UMAD1: variants seen among roughly 807,000 people sequenced by gnomAD.
UMAD1 encodes the protein UBAP1-MVB12-associated (UMA) domain containing 1, also known as UBAP1-MVB12-associated (UMA)-domain containing protein 1.
Under a neutral mutation model 6.1 loss-of-function variants are expected in UMAD1, and 8 were observed. The observed-to-expected ratio is 1.30, with a 90% CI of 0.76 to 2.35. The LOEUF (loss-of-function observed/expected upper bound fraction) is 2.35. Among genes scored for constraint, UMAD1 ranks in the 30% most tolerant of loss-of-function variants. The pLI is 0.00. For synonymous variants in UMAD1, 56 were observed against 31.4 expected (o/e 1.78, Z -2.61); for missense variants, 130 against 78.4 (o/e 1.66, Z -2.49).
intron 3 of UMAD1, among the ~76,000 whole-genome samples, chr7:7,825,789 T>G (rs898070597): frequency 2.0e-5 from 3 of 152,186 alleles, no homozygotes; most frequent in African/African-American, 7.2e-5. Flanking sequence ...ACCACTCAAA[T>G]AGGATTCCCT....
At chr7:7,781,260 T>C (rs1299722130) in intron 2 of UMAD1, among the ~76,000 whole-genome samples, 1 of 152,162 alleles carries the variant, frequency 6.6e-6, no homozygotes, top group Non-Finnish European at 1.5e-5. Flanking sequence ...TCCAGTTCAT[T>C]TTTGTTTTAA....
chr7:7,695,749 A>G (rs758010573), intron 2 of UMAD1, among the ~76,000 whole-genome samples: 1 of 152,092 alleles, frequency 6.6e-6, no homozygotes, highest in South Asian at 2.1e-4. Flanking sequence ...TTTAATATCT[A>G]TGTATGTTGG....
At chr7:7,769,084 C>T (rs1248893869) in intron 2 of UMAD1, among the ~76,000 whole-genome samples, 1 of 152,134 alleles carries the variant, frequency 6.6e-6, no homozygotes, top group Admixed American at 6.5e-5. Context: ...CCAGATGTCC[C>T]TTTTCATTCA....
At chr7:7,720,253 C>A (rs1583773153) in intron 2 of UMAD1, among the ~76,000 whole-genome samples, 1 of 152,146 alleles carries the variant, frequency 6.6e-6, no homozygotes, top group Admixed American at 6.5e-5. Flanking sequence ...ACAAACTATA[C>A]ATCTCTGAGA....
chr7:7,654,291 G>A (rs1233591700), intron 1 of UMAD1, among the ~76,000 whole-genome samples: 1 of 152,206 alleles, frequency 6.6e-6, no homozygotes, highest in Non-Finnish European at 1.5e-5. Flanking sequence ...TTACCCAAGT[G>A]AGGCCATCTG....
chr7:7,731,106 C>G (rs1781241465), intron 2 of UMAD1, among the ~76,000 whole-genome samples: 1 of 152,184 alleles, frequency 6.6e-6, no homozygotes, highest in African/African-American at 2.4e-5. Context: ...TCCAGCAATT[C>G]TCCTGCCTCA....
rs901793947 is a variant in UMAD1, at chr7:7,878,806, G to A, written c.*1268G>A. On this transcript the variant is annotated 3_prime_UTR_variant, in exon 4 of 4. Coordinates refer to ENST00000682710, the MANE Select transcript of UMAD1 (RefSeq NM_001302348.2). ...AATGTGGCATGGTTTTAATACAAAT[G>A]CTATGTTATTTAAAAGTTAGAGGAA... The A allele has an allele frequency of 6.6e-6, 1 of 152,140 alleles. No individual in the cohort carries two copies. Among genetic ancestry groups the A allele is most frequent in the African/African-American group, 2.4e-5 (1 of 41,434 alleles). The allele number at this position is 152,140 out of a possible 1,614,324, so 9.4% of individuals were successfully genotyped here.
chr7:7,708,907 GTGTGTT>G (rs1297453041), intron 2 of UMAD1, among the ~76,000 whole-genome samples: 1 of 151,960 alleles, frequency 6.6e-6, no homozygotes, highest in Non-Finnish European at 1.5e-5. Context: ...AGCAAGGGGT[GTGTGTT>G]TGTGTTTGTG....
intron 2 of UMAD1, among the ~76,000 whole-genome samples, chr7:7,713,795 GT>G (rs1780824831): frequency 6.6e-6 from 1 of 151,774 alleles, no homozygotes; most frequent in African/African-American, 2.4e-5. Flanking sequence ...ATTTCCATTC[GT>G]TTGTCATTTT....
At chr7:7,759,879 C>T (rs564563096) in intron 2 of UMAD1, among the ~76,000 whole-genome samples, 31 of 152,188 alleles carry the variant, frequency 2.0e-4, no homozygotes, top group Non-Finnish European at 3.2e-4. Flanking sequence ...CATATTATCC[C>T]CCTTCTTCCC....
At chr7:7,742,122 T>C in intron 2 of UMAD1, 3 of 611,166 alleles carry the variant, frequency 4.9e-6, no homozygotes, top group South Asian at 2.7e-5. Context: ...ATCCAAAGCA[T>C]CGTAATCAGG....
intron 2 of UMAD1, among the ~76,000 whole-genome samples, chr7:7,757,942 G>C (rs1234188583): frequency 6.6e-6 from 1 of 152,100 alleles, no homozygotes; most frequent in African/African-American, 2.4e-5. Context: ...TGTCTAGAGT[G>C]GAAGTTTTGG....
chr7:7,722,506 A>G (rs775412465), intron 2 of UMAD1, among the ~76,000 whole-genome samples: 9 of 152,174 alleles, frequency 5.9e-5, no homozygotes, highest in Non-Finnish European at 1.0e-4. Flanking sequence ...GACTCTGTAC[A>G]TAATACCTTA....
chr7:7,786,824 G>GGTTT (rs1308206488), intron 2 of UMAD1, among the ~76,000 whole-genome samples: 2 of 152,166 alleles, frequency 1.3e-5, no homozygotes, highest in Non-Finnish European at 2.9e-5. Context: ...GGAGGAGGAA[G>GGTTT]GTTTGCCTCA....
intron 3 of UMAD1, among the ~76,000 whole-genome samples, chr7:7,837,028 A>C (rs1201855812): frequency 2.6e-5 from 4 of 151,996 alleles, no homozygotes; most frequent in Non-Finnish European, 1.5e-5. Context: ...AGAAATCCAC[A>C]TTAGACATAT....
chr7:7,643,819 C>T (rs1785034054), intron 1 of UMAD1, among the ~76,000 whole-genome samples: 1 of 151,648 alleles, frequency 6.6e-6, no homozygotes, highest in Non-Finnish European at 1.5e-5. Context: ...CTAACAAGCA[C>T]ACCTTCCTTT....
intron 2 of UMAD1, among the ~76,000 whole-genome samples, chr7:7,715,770 A>C (rs1021604335): frequency 6.6e-6 from 1 of 152,218 alleles, no homozygotes; most frequent in Non-Finnish European, 1.5e-5. Flanking sequence ...TGTAAGAAAG[A>C]GTTTTGAGTT....
At chr7:7,736,381 C>T (rs1781359899) in intron 2 of UMAD1, 1 of 153,220 alleles carries the variant, frequency 6.5e-6, no homozygotes, top group East Asian at 1.9e-4. Context: ...AATTTTCCAC[C>T]TCCCAATTTG....
chr7:7,857,886 C>A (rs1337308888), intron 3 of UMAD1, among the ~76,000 whole-genome samples: 1 of 152,186 alleles, frequency 6.6e-6, no homozygotes, highest in Non-Finnish European at 1.5e-5. Context: ...AATCTATAAC[C>A]CTTTCTGAAA....
Sources: allele counts gnomAD v4.1 joint callset (sites outside exome capture counted in the v4.1 genomes callset), GRCh38; gene constraint gnomAD v4.1.1; transcripts MANE v1.5; gene names NCBI Gene and HGNC (gene_info 2026-07-23, HGNC 2026-07-21).